GLB1: variants seen among roughly 807,000 people sequenced by gnomAD.
GLB1 encodes the protein galactosidase beta 1.
A neutral mutation model predicts 74.0 loss-of-function variants in GLB1; 56 were observed. The observed-to-expected ratio is 0.76, with a 90% CI of 0.61 to 0.94. The LOEUF is 0.94. Among genes scored for constraint, GLB1 ranks in the 40% least tolerant of loss-of-function variants. GLB1 has a pLI of 0.00. For missense variants in GLB1, 787 were observed against 845.5 expected, an observed-to-expected ratio of 0.93 and a Z score of 0.86; for synonymous variants, 323 against 323.6, an observed-to-expected ratio of 1.00 and a Z score of 0.02.
chr3:33,093,016 C>T lies in GLB1; in HGVS notation c.75+3995G>A. 6.2e-7 allele frequency: 1 copy of T among 1,614,226 alleles called. No individual in the cohort carries two copies. The highest frequency in any genetic ancestry group is 8.5e-7 in the Non-Finnish European group (1 of 1,180,042). ...ACGTTCAAGGGGAAGATCTGCCCAG[C>T]ATGTGTGTGCCCAGAAAGGATCAGG... On this transcript the variant is annotated intron_variant, in intron 1 of 15. Transcript: ENST00000307363. This position sits in a 1 kb window ranked among gnomAD's most constrained non-coding sequence, Gnocchi z 6.0.
chr3:33,051,619 A>AAAT, intron 9 of GLB1, 139 bp downstream of exon 9: 1 of 1,165,282 alleles, frequency 8.6e-7, no homozygotes, highest in Non-Finnish European at 1.2e-6. Context: ...AAAAAAAAAA[A>AAAT]GAAAAAGAAA....
chr3:32,989,676 T>C, the GLB1 span, among the ~76,000 whole-genome samples: 2 of 152,228 alleles, frequency 1.3e-5, no homozygotes, highest in East Asian at 3.8e-4. Flanking sequence ...TTCTTCTGTG[T>C]TGTGAGTTTT....
chr3:33,014,327 G>A lies in GLB1; in HGVS notation c.1480-17C>T, dbSNP rs1368908211. On this transcript the variant is annotated splice_polypyrimidine_tract_variant and intron_variant, in intron 14 of 15. Coordinates refer to ENST00000307363, the MANE Select transcript of GLB1 (RefSeq NM_000404.4). ...AACCAAACCCTGCAAAGCAGAAACA[G>A]AGCACAGTGAGCTGGGGAGGGAAGG... 6.2e-7 allele frequency: 1 copy of A among 1,612,552 alleles called. No homozygotes were observed. The highest frequency in any genetic ancestry group is 8.5e-7 in the Non-Finnish European group (1 of 1,179,346).
In GLB1 at chr3:33,092,949, T is replaced by C. The variant is rs147868127; in HGVS notation, c.75+4062A>G. 3.1e-6 allele frequency: 5 copies of C among 1,614,098 alleles called. No homozygotes were observed. In the African/African-American group the frequency reaches 6.7e-5, roughly 22 times the overall value. On this transcript the variant is annotated intron_variant, in intron 1 of 15. Transcript: ENST00000307363. ...ATACACGAATGTAGCCTGGGCCACCTGGTAGAGACCAGCAAAGAAGGGATT... is the reference window on the plus strand; with the variant it reads ...ATACACGAATGTAGCCTGGGCCACCCGGTAGAGACCAGCAAAGAAGGGATT...
intron 4 of GLB1, among the ~76,000 whole-genome samples, chr3:33,066,250 G>A (rs1164572215): frequency 6.6e-6 from 1 of 152,180 alleles, no homozygotes; most frequent in Non-Finnish European, 1.5e-5. Flanking sequence ...GAGAGGTGGG[G>A]CCTTTAAGAG....
intron 1 of GLB1, among the ~76,000 whole-genome samples, chr3:33,081,926 A>G (rs1289626060): frequency 6.6e-6 from 1 of 152,238 alleles, no homozygotes; most frequent in Admixed American, 6.5e-5. Context: ...TCCTTCATCC[A>G]ATTCCCAGCT....
chr3:33,046,334 A>G (rs923316661), intron 9 of GLB1, 102 bp from the exon 10 acceptor site: 2 of 1,390,816 alleles, frequency 1.4e-6, no homozygotes, highest in African/African-American at 1.4e-5. Flanking sequence ...GAAAACTAGA[A>G]GACACATTAA....
At chr3:33,070,319 C>A (rs1353516988) in intron 2 of GLB1, among the ~76,000 whole-genome samples, 3 of 151,618 alleles carry the variant, frequency 2.0e-5, no homozygotes, top group East Asian at 1.9e-4. Context: ...GGAAAGAGCT[C>A]AAAAATCCAG....
intron 10 of GLB1, chr3:33,034,013 G>T: frequency 1.8e-6 from 1 of 545,412 alleles, no homozygotes; most frequent in Non-Finnish European, 3.6e-6. Flanking sequence ...GATCCTCATT[G>T]CCAACCTCAG....
chr3:33,091,991 C>T, intron 1 of GLB1: 2 of 983,728 alleles, frequency 2.0e-6, no homozygotes, highest in Non-Finnish European at 1.2e-6. Context: ...ACTGCCTGTG[C>T]CCTATCTCTC....
chr3:33,074,373 G>GAAAGA (rs1559412887), intron 1 of GLB1, among the ~76,000 whole-genome samples: 8 of 6,602 alleles, frequency 1.2e-3, no homozygotes, highest in African/African-American at 1.8e-3. Flanking sequence ...AGGAAGGAAG[G>GAAAGA]AAGGAAGGAA....
At position 33,068,276 on chromosome 3, in the gene GLB1, A is replaced by G. The variant is rs2125547891; in HGVS notation, c.411T>C (p.Ala137=). 6.2e-7 allele frequency: 1 copy of G among 1,614,080 alleles called. No homozygotes were observed. The highest frequency in any genetic ancestry group is 1.3e-5 in the African/African-American group (1 of 75,038). ...CAEWEMGGLP[A]WLLEKESILL... Reference sequence around the variant, plus strand: ...GAATAGACTCTTTCTCTAGCAGCCAAGCAGGTAATCCTCCCTAGTTCAGGG... The same window carrying G: ...GAATAGACTCTTTCTCTAGCAGCCAGGCAGGTAATCCTCCCTAGTTCAGGG... Residue 137 remains alanine, a synonymous_variant, in exon 4 of 16, where the codon GCT becomes GCC. Coordinates refer to ENST00000307363, the MANE Select transcript of GLB1 (RefSeq NM_000404.4).
rs1696319321 is a variant in GLB1 at position 32,996,717 on chromosome 3, CA to C, written c.*327del. On this transcript the variant is annotated 3_prime_UTR_variant, in exon 16 of 16. Coordinates refer to ENST00000307363, the MANE Select transcript of GLB1 (RefSeq NM_000404.4). ...TAATTCAATACCTGCACATTAAAAA[CA>C]GTGACATCATCATTTGAGTACAAAT... 1 of 362,872 alleles carries C rather than the reference CA, an allele frequency of 2.8e-6. No homozygotes were observed. Among genetic ancestry groups the C allele is most frequent in the South Asian group, 2.4e-5 (1 of 41,766 alleles). The allele number at this position is 362,872 out of a possible 1,614,324, so 22.5% of individuals were successfully genotyped here.
intron 15 of GLB1, among the ~76,000 whole-genome samples, chr3:32,997,585 A>G (rs1233056830): frequency 6.6e-6 from 1 of 152,152 alleles, no homozygotes; most frequent in African/African-American, 2.4e-5. Flanking sequence ...AACTTGCCCC[A>G]AAGACCCACT....
rs569787678 is a variant in GLB1 at position 32,997,129 on chromosome 3, G to A, written c.1950C>T (p.Tyr650=). The change falls in exon 16 of 16, where the codon TAC becomes TAT. Residue 650 remains tyrosine (Y), a synonymous_variant. Coordinates refer to ENST00000307363, the MANE Select transcript of GLB1 (RefSeq NM_000404.4). ...DRPVIGSSVT[Y]DHPSKPVEKR... ...TTTCAACAGGTTTGGAGGGATGATC[G>A]TAGGTCACAGATGAGCCAATAACTG... is the stretch of plus-strand genomic sequence containing the variant. 34 of 1,614,148 alleles carry A rather than the reference G, an allele frequency of 2.1e-5. No individual in the cohort carries two copies. The highest frequency in any genetic ancestry group is 1.8e-4 in the East Asian group (8 of 44,880).
chr3:33,078,519 T>C (rs1029693563), intron 1 of GLB1, among the ~76,000 whole-genome samples: 1 of 152,080 alleles, frequency 6.6e-6, no homozygotes, highest in Non-Finnish European at 1.5e-5. Context: ...TGAATCAAAA[T>C]CACAATTGAA....
intron 5 of GLB1, among the ~76,000 whole-genome samples, chr3:33,064,479 G>A (rs112525580): frequency 9.8e-4 from 110 of 112,082 alleles, no homozygotes; most frequent in Middle Eastern, 8.5e-3. Flanking sequence ...TTTTCCATAA[G>A]AGCATCCTTG....
chr3:32,980,941 A>C, the GLB1 span, among the ~76,000 whole-genome samples: 1 of 151,690 alleles, frequency 6.6e-6, no homozygotes, highest in East Asian at 1.9e-4. Flanking sequence ...AAATACAAAA[A>C]TTAGCTGGGC....
chr3:32,985,262 A>G, the GLB1 span, among the ~76,000 whole-genome samples: 3 of 151,862 alleles, frequency 2.0e-5, no homozygotes, highest in South Asian at 4.2e-4. Flanking sequence ...ATGCATCTGC[A>G]TGTTTAGAAT....
Sources: allele counts gnomAD v4.1 joint callset (sites outside exome capture counted in the v4.1 genomes callset), GRCh38; gene constraint gnomAD v4.1.1; non-coding constraint Gnocchi (gnomAD v3.1); transcripts MANE v1.5; gene names NCBI Gene and HGNC (gene_info 2026-07-23, HGNC 2026-07-21).